The following PLOD2 variants were observed in gnomAD, a reference collection of about 807,000 sequenced individuals.
PLOD2 encodes the protein lysine hydroxylase 2.
In PLOD2, 65 loss-of-function variants were observed where a neutral mutation model predicts 101.0. That is an observed-to-expected ratio of 0.64 (90% CI 0.53 to 0.79). The LOEUF (loss-of-function observed/expected upper bound fraction) is 0.79, where lower values mean the gene tolerates loss of function less well. Ranked by LOEUF, PLOD2 falls within the 30% of genes least tolerant of loss-of-function variation. The pLI is 0.00. For missense variants in PLOD2, 909 were observed against 914.6 expected (o/e 0.99, Z 0.08); for synonymous variants, 314 against 302.9 (o/e 1.04, Z -0.38).
intron 1 of PLOD2, among the ~76,000 whole-genome samples, chr3:146,138,466 A>G (rs1211856985): frequency 6.6e-6 from 1 of 152,186 alleles, no homozygotes; most frequent in Non-Finnish European, 1.5e-5. Flanking sequence ...AGTTTCACTG[A>G]GAGGGTGACC....
intron 3 of PLOD2, among the ~76,000 whole-genome samples, chr3:146,114,334 G>A (rs1937796365): frequency 6.6e-6 from 1 of 152,120 alleles, no homozygotes; most frequent in African/African-American, 2.4e-5. Flanking sequence ...TCAAGGCAAT[G>A]TAGTGCCCTG....
rs77661081 is a variant in PLOD2, at chr3:146,114,015, C to T, written c.339-3567G>A. Among the ~76,000 whole-genome samples, 79 of 152,236 alleles carry T rather than the reference C, an allele frequency of 5.2e-4. No individual in the cohort carries two copies. The South Asian group carries it at 9.1e-3, about 18-fold the overall frequency. The stretch of plus-strand genomic sequence containing the variant: ...TAGGAATGTCTGTCTTACACGGTTG[C>T]AGATAAGGGATGAAATAGCCCCAGT... On this transcript the variant is annotated intron_variant, in intron 3 of 19. Transcript: ENST00000282903.
intron 6 of PLOD2, among the ~76,000 whole-genome samples, chr3:146,103,597 C>A (rs1559850219): frequency 6.6e-6 from 1 of 151,896 alleles, no homozygotes; most frequent in Non-Finnish European, 1.5e-5. Flanking sequence ...GGACTATAGG[C>A]ACGCACCACC....
chr3:146,101,677 C>T (rs2108052186), intron 7 of PLOD2, among the ~76,000 whole-genome samples: 1 of 152,286 alleles, frequency 6.6e-6, no homozygotes, highest in African/African-American at 2.4e-5. Flanking sequence ...AGGAGAAAAG[C>T]CAGGTGCAGC....
At chr3:146,150,550 G>A (rs1382106895) in intron 1 of PLOD2, among the ~76,000 whole-genome samples, 1 of 152,082 alleles carries the variant, frequency 6.6e-6, no homozygotes, top group Non-Finnish European at 1.5e-5. Context: ...ACAAAGAAAG[G>A]AACAACAGAT....
At chr3:146,088,336 T>C (rs1341129049) in intron 9 of PLOD2, among the ~76,000 whole-genome samples, 1 of 151,660 alleles carries the variant, frequency 6.6e-6, no homozygotes, top group African/African-American at 2.4e-5. Context: ...ATTTAAGCTA[T>C]ATGATGATGG....
intron 1 of PLOD2, among the ~76,000 whole-genome samples, chr3:146,144,589 C>G (rs1011063269): frequency 1.3e-5 from 2 of 151,958 alleles, no homozygotes; most frequent in African/African-American, 4.8e-5. Context: ...CAATAATACC[C>G]TTACAATATT....
Position 146,088,699 on chromosome 3 carries a change from C to T in PLOD2, c.892G>A (p.Val298Ile), listed in dbSNP as rs947167279. 15 of 1,606,578 alleles carry T rather than the reference C, an allele frequency of 9.3e-6. No individual in the cohort carries two copies. Among genetic ancestry groups the T allele is most frequent in the Non-Finnish European group, 1.3e-5 (15 of 1,173,944 alleles). Reference sequence around the variant, plus strand: ...TGCTCAATAAAAACACCTATTGATACGTTTGGATGGACCTTTGTTTTACAC... The same window carrying T: ...TGCTCAATAAAAACACCTATTGATATGTTTGGATGGACCTTTGTTTTACAC... ...DLSAVDVHPN[V>I]SIGVFIEQPT... The change falls in exon 9 of 20, where the codon GTA (valine) becomes ATA (isoleucine). Residue 298 changes from valine to isoleucine, a missense_variant. Val to Ile is a conservative substitution (Grantham distance 29). Coordinates refer to ENST00000282903, the MANE Select transcript of PLOD2 (RefSeq NM_182943.3).
At chr3:146,101,176 A>G (rs1231262967) in intron 7 of PLOD2, among the ~76,000 whole-genome samples, 1 of 152,176 alleles carries the variant, frequency 6.6e-6, no homozygotes, top group Non-Finnish European at 1.5e-5. Context: ...AGCTTAGGAA[A>G]GACACAGGAG....
chr3:146,086,872 CA>C lies in PLOD2; in HGVS notation c.1041del (p.Phe347LeufsTer11). On this transcript the variant is annotated frameshift_variant, in exon 10 of 20. Coordinates refer to ENST00000282903, the MANE Select transcript of PLOD2 (RefSeq NM_182943.3). LOFTEE classifies it high-confidence loss of function. ...GTTTTGATTTCATGCTTAGCTTTAT[CA>C]AAAAATACCTTGATGTCCTTTTCAT... ...VYHEKDIKVFFDKAKHEIKTI... is the reference protein window; with the variant it reads ...VYHEKDIKVFXDKAKHEIKTI... The C allele has an allele frequency of 2.6e-6, 4 of 1,523,592 alleles. No homozygotes were observed. The highest frequency in any genetic ancestry group is 1.2e-5 in the South Asian group (1 of 82,592). 94.4% of individuals were successfully genotyped at this position (1,523,592 alleles called of 1,614,324 possible). A position where few individuals can be genotyped will look rare whatever the true frequency, so the allele number is the denominator to read the frequency against.
At chr3:146,103,680 T>C (rs1264708008) in intron 6 of PLOD2, among the ~76,000 whole-genome samples, 1 of 152,152 alleles carries the variant, frequency 6.6e-6, no homozygotes, top group African/African-American at 2.4e-5. Flanking sequence ...TGCAATATAT[T>C]CTCAATTTTT....
intron 7 of PLOD2, among the ~76,000 whole-genome samples, chr3:146,099,204 C>T (rs897970087): frequency 6.6e-6 from 1 of 152,138 alleles, no homozygotes; most frequent in Non-Finnish European, 1.5e-5. Flanking sequence ...CTTAATATTT[C>T]TTAGTACACC....
intron 7 of PLOD2, among the ~76,000 whole-genome samples, chr3:146,098,516 C>T (rs1466553683): frequency 6.6e-6 from 1 of 151,880 alleles, no homozygotes; most frequent in East Asian, 1.9e-4. Flanking sequence ...TATAAATGTT[C>T]ATAGATATAT....
intron 1 of PLOD2, among the ~76,000 whole-genome samples, chr3:146,155,503 G>A (rs1381558612): frequency 1.3e-5 from 2 of 151,594 alleles, no homozygotes; most frequent in African/African-American, 4.8e-5. Context: ...ACGAGGTCAG[G>A]AGTTCAAGAC....
At chr3:146,081,388 C>A (rs1361014107) in intron 12 of PLOD2, among the ~76,000 whole-genome samples, 1 of 152,042 alleles carries the variant, frequency 6.6e-6, no homozygotes, top group East Asian at 1.9e-4. Context: ...CAAAACAACC[C>A]TTAATTATAA....
intron 1 of PLOD2, among the ~76,000 whole-genome samples, chr3:146,131,268 C>T (rs1176097415): frequency 6.6e-6 from 1 of 152,140 alleles, no homozygotes; most frequent in African/African-American, 2.4e-5. Context: ...GCTGATTTTG[C>T]TTTGTATCCT....
At chr3:146,136,291 A>C (rs2031224688) in intron 1 of PLOD2, among the ~76,000 whole-genome samples, 1 of 152,136 alleles carries the variant, frequency 6.6e-6, no homozygotes, top group South Asian at 2.1e-4. Flanking sequence ...AGACTTTACC[A>C]ATTCATATTA....
intron 5 of PLOD2, among the ~76,000 whole-genome samples, chr3:146,104,813 G>A (rs1937509520): frequency 6.6e-6 from 1 of 152,092 alleles, no homozygotes; most frequent in Non-Finnish European, 1.5e-5. Context: ...CAGATTTCAG[G>A]AGCATATATC....
chr3:146,129,643 T>G (rs1322993849), intron 1 of PLOD2, among the ~76,000 whole-genome samples: 1 of 152,198 alleles, frequency 6.6e-6, no homozygotes, highest in Non-Finnish European at 1.5e-5. Flanking sequence ...CACACATATA[T>G]TCAAAGGATG....
Sources: gnomAD v4.1 joint callset for allele counts (sites outside exome capture counted in the v4.1 genomes callset) on GRCh38, gnomAD v4.1.1 for gene constraint, MANE v1.5 for transcripts, NCBI Gene and HGNC (gene_info 2026-07-23, HGNC 2026-07-21) for gene names.